GNG12: variants seen among roughly 807,000 people sequenced by gnomAD.
GNG12 encodes G protein subunit gamma 12.
For synonymous variants in GNG12, 28 were observed against 29.7 expected (o/e 0.94, Z 0.19); for missense variants, 69 against 83.8 (o/e 0.82, Z 0.69).
chr1:67,763,703 T>C (rs779826969), intron 2 of GNG12, among the ~76,000 whole-genome samples: 11 of 152,138 alleles, frequency 7.2e-5, no homozygotes, highest in Non-Finnish European at 7.4e-5. Flanking sequence ...CATGTCCTTA[T>C]TAGAGAATTT....
intron 2 of GNG12, among the ~76,000 whole-genome samples, chr1:67,729,413 G>C (rs1646406324): frequency 6.6e-6 from 1 of 152,184 alleles, no homozygotes; most frequent in Non-Finnish European, 1.5e-5. Context: ...TAATAAAATA[G>C]CTTTTATTAC....
chr1:67,722,423 A>T (rs1646361315), intron 2 of GNG12, among the ~76,000 whole-genome samples: 1 of 152,196 alleles, frequency 6.6e-6, no homozygotes, highest in African/African-American at 2.4e-5. Flanking sequence ...TAAAGGGCTT[A>T]CAACTCCAGC....
chr1:67,779,987 C>G (rs575708806), intron 1 of GNG12, among the ~76,000 whole-genome samples: 22 of 152,264 alleles, frequency 1.4e-4, no homozygotes, highest in African/African-American at 5.1e-4. Context: ...ATGGTATTAT[C>G]ATCTTTAAAA....
At chr1:67,831,567 G>A (rs1047118459) in intron 1 of GNG12, among the ~76,000 whole-genome samples, 11 of 152,066 alleles carry the variant, frequency 7.2e-5, no homozygotes, top group African/African-American at 2.7e-4. Flanking sequence ...TTATTTATAA[G>A]GTCTAACGAC....
At chr1:67,756,895 G>GC (rs1252296016) in intron 2 of GNG12, among the ~76,000 whole-genome samples, 1 of 152,228 alleles carries the variant, frequency 6.6e-6, no homozygotes, top group Non-Finnish European at 1.5e-5. Context: ...GGTGTACCCT[G>GC]CTGAGGTTCA....
intron 1 of GNG12, among the ~76,000 whole-genome samples, chr1:67,786,374 A>C (rs543539753): frequency 6.6e-6 from 1 of 152,240 alleles, no homozygotes; most frequent in Non-Finnish European, 1.5e-5. Flanking sequence ...TTAAGACCTA[A>C]CACTAAATTG....
intron 2 of GNG12, among the ~76,000 whole-genome samples, chr1:67,759,765 C>T (rs563795579): frequency 6.6e-6 from 1 of 151,740 alleles, no homozygotes; most frequent in East Asian, 1.9e-4. Flanking sequence ...CTTACTTGAG[C>T]AATTTCAGTG....
Position 67,833,405 on chromosome 1 carries a change from G to A in GNG12, c.-138C>T. 1.0e-6 allele frequency: 1 copy of A among 985,440 alleles called. No individual in the cohort carries two copies. Among genetic ancestry groups the A allele is most frequent in the South Asian group, 4.7e-5 (1 of 21,346 alleles). 61.0% of individuals were successfully genotyped at this position (985,440 alleles called of 1,614,324 possible). A position where few individuals can be genotyped will look rare whatever the true frequency, so the allele number is the denominator to read the frequency against. On this transcript the variant is annotated 5_prime_UTR_variant, in exon 1 of 4. Coordinates refer to ENST00000370982, the MANE Select transcript of GNG12 (RefSeq NM_018841.6). The stretch of plus-strand genomic sequence containing the variant: ...GACTCGGTCTCTAAGGGCTCCTGGA[G>A]ACGGCTCCGACCTCTCCTCCTCCTC...
chr1:67,773,952 T>C (rs1405557397), intron 2 of GNG12, among the ~76,000 whole-genome samples: 1 of 152,174 alleles, frequency 6.6e-6, no homozygotes, highest in Non-Finnish European at 1.5e-5. Context: ...AACAGAGAAA[T>C]GCACACCTGA....
chr1:67,801,781 G>T (rs144512168), intron 1 of GNG12, among the ~76,000 whole-genome samples: 1 of 152,094 alleles, frequency 6.6e-6, no homozygotes, highest in African/African-American at 2.4e-5. Flanking sequence ...ATTACGTTCC[G>T]TATCTGCAGA....
chr1:67,786,935 A>ATATATATGTG (rs1332684243), intron 1 of GNG12, among the ~76,000 whole-genome samples: 14 of 133,408 alleles, frequency 1.0e-4, no homozygotes, highest in Admixed American at 7.5e-4. Context: ...TTATATATAT[A>ATATATATGTG]TGTGTGTGTG....
intron 2 of GNG12, among the ~76,000 whole-genome samples, chr1:67,766,751 C>T (rs1570529033): frequency 6.6e-6 from 1 of 152,214 alleles, no homozygotes; most frequent in Non-Finnish European, 1.5e-5. Context: ...GGTCTGAGTG[C>T]CTGCCCTCCC....
At chr1:67,794,675 T>A (rs1167366963) in intron 1 of GNG12, among the ~76,000 whole-genome samples, 1 of 152,210 alleles carries the variant, frequency 6.6e-6, no homozygotes, top group East Asian at 1.9e-4. Context: ...TTGATATATA[T>A]AAGATGACAA....
chr1:67,710,163 TAG>T (rs1185025228), intron 2 of GNG12, among the ~76,000 whole-genome samples: 2 of 24,470 alleles, frequency 8.2e-5, no homozygotes, highest in African/African-American at 1.4e-4. Context: ...TATATATATA[TAG>T]TTATATATAT....
At chr1:67,813,042 G>A (rs539703213) in intron 1 of GNG12, among the ~76,000 whole-genome samples, 10 of 152,146 alleles carry the variant, frequency 6.6e-5, no homozygotes, top group Non-Finnish European at 1.3e-4. Flanking sequence ...TAATGACGAT[G>A]GCCCCTTTCT....
chr1:67,764,702 T>C (rs12072469), intron 2 of GNG12, among the ~76,000 whole-genome samples: 13,998 of 152,138 alleles, frequency 0.092, 710 homozygotes, highest in African/African-American at 0.13. Flanking sequence ...TGTGTGTATA[T>C]GTGTGTGTGT....
At chr1:67,812,796 A>G (rs942536845) in intron 1 of GNG12, among the ~76,000 whole-genome samples, 1 of 152,246 alleles carries the variant, frequency 6.6e-6, no homozygotes, top group Non-Finnish European at 1.5e-5. Context: ...GTCATATTTC[A>G]TATGCTCAAG....
At chr1:67,826,512 A>G (rs1647011756) in intron 1 of GNG12, among the ~76,000 whole-genome samples, 1 of 152,216 alleles carries the variant, frequency 6.6e-6, no homozygotes, top group African/African-American at 2.4e-5. Context: ...TTATCTGCAC[A>G]GCCAATCATG....
At chr1:67,792,133 T>A (rs989027328) in intron 1 of GNG12, among the ~76,000 whole-genome samples, 2 of 152,156 alleles carry the variant, frequency 1.3e-5, no homozygotes, top group African/African-American at 4.8e-5. Context: ...TTCTTCTTGG[T>A]ACGTACCCCT....
Sources: allele counts gnomAD v4.1 joint callset (sites outside exome capture counted in the v4.1 genomes callset), GRCh38; gene constraint gnomAD v4.1.1; transcripts MANE v1.5; gene names NCBI Gene and HGNC (gene_info 2026-07-23, HGNC 2026-07-21).